The following CACNA1B variants were observed in gnomAD, a reference collection of about 807,000 sequenced individuals.
CACNA1B encodes the protein voltage-dependent N-type calcium channel subunit alpha-1B.
A neutral mutation model predicts 247.2 loss-of-function variants in CACNA1B; 70 were observed. The ratio of observed to expected loss-of-function variants is 0.28; its 90% CI spans 0.23 to 0.35. The LOEUF (loss-of-function observed/expected upper bound fraction) is 0.35. Among genes scored for constraint, CACNA1B ranks in the 10% least tolerant of loss-of-function variants. The probability of loss-of-function intolerance (pLI) is 1.00; values close to 1 mark genes in which losing one functional copy is unlikely to be tolerated. For synonymous variants in CACNA1B, 1,231 were observed against 1,294.4 expected, an observed-to-expected ratio of 0.95 and a Z score of 1.05; for missense variants, 2,367 against 3,197.4, an observed-to-expected ratio of 0.74 and a Z score of 6.26.
chr9:137,977,630 G>C (rs566391487), intron 12 of CACNA1B, among the ~76,000 whole-genome samples: 10 of 152,294 alleles, frequency 6.6e-5, no homozygotes, highest in African/African-American at 2.4e-4. Flanking sequence ...CCAGAGCCTA[G>C]GGATATGGCA....
chr9:138,116,975 G>T (rs1961889556), intron 42 of CACNA1B, among the ~76,000 whole-genome samples: 1 of 152,194 alleles, frequency 6.6e-6, no homozygotes, highest in Non-Finnish European at 1.5e-5. Context: ...TGCCATCTCT[G>T]CGTCCACTGC....
At chr9:137,931,249 CAA>C (rs140750298) in intron 6 of CACNA1B, among the ~76,000 whole-genome samples, 4,869 of 152,194 alleles carry the variant, frequency 0.032, 248 homozygotes, top group African/African-American at 0.11. Flanking sequence ...GTAAACGGCT[CAA>C]GAGCCCTGGT....
At chr9:138,026,472 A>G (rs1298750394) in intron 20 of CACNA1B, among the ~76,000 whole-genome samples, 1 of 152,056 alleles carries the variant, frequency 6.6e-6, no homozygotes, top group African/African-American at 2.4e-5. Context: ...TGATTTTTTC[A>G]CTGTCCCTAT....
intron 20 of CACNA1B, among the ~76,000 whole-genome samples, chr9:138,033,922 C>T (rs1218922012): frequency 6.6e-6 from 1 of 152,168 alleles, no homozygotes; most frequent in Non-Finnish European, 1.5e-5. Context: ...AACCATATTA[C>T]AGGGGTTGTA....
intron 25 of CACNA1B, among the ~76,000 whole-genome samples, chr9:138,053,206 G>C (rs963690031): frequency 6.6e-6 from 1 of 152,354 alleles, no homozygotes; most frequent in Admixed American, 6.5e-5. Flanking sequence ...CCCAGCACCT[G>C]CTGGTGCAGC....
chr9:137,975,939 C>G lies in CACNA1B; in HGVS notation c.1576C>G (p.Leu526Val). ...AGAGTTTGTTTTCCTGGGTCTCTTC[C>G]TCACAGAGATGTCCCTGAAGATGTA... ...FAEFVFLGLF[L>V]TEMSLKMYGL... The change falls in exon 12 of 47, where the codon CTC becomes GTC. Residue 526 changes from leucine (L) to valine (V), a missense_variant. Leu to Val is a conservative substitution (Grantham distance 32). Around this residue, in one of 12 missense-constraint regions of CACNA1B, gnomAD observed 219 missense variants for 297.6 expected, o/e 0.74. Transcript: ENST00000371372. 1 of 1,613,406 alleles carries G rather than the reference C, an allele frequency of 6.2e-7. No homozygotes were observed. Among genetic ancestry groups the G allele is most frequent in the Non-Finnish European group, 8.5e-7 (1 of 1,179,324 alleles).
chr9:137,967,241 A>G (rs991844122), intron 10 of CACNA1B, among the ~76,000 whole-genome samples: 6 of 152,102 alleles, frequency 3.9e-5, no homozygotes, highest in Middle Eastern at 3.2e-3. Context: ...TTTAGTACCA[A>G]GATGTACTAG....
In CACNA1B at chr9:137,893,399, C is replaced by T. The variant is rs578064403; in HGVS notation, c.530+10516C>T. On this transcript the variant is annotated intron_variant, in intron 3 of 46. Coordinates refer to ENST00000371372, the MANE Select transcript of CACNA1B (RefSeq NM_000718.4). ...GGTGCGGTGGCTCATGCCTGTAATC[C>T]CAGCACTTTGGGAGGCTGAGGTGGG... Among the ~76,000 whole-genome samples, 4 of 150,648 alleles carry T rather than the reference C, an allele frequency of 2.7e-5. No homozygotes were observed. The East Asian group carries it at 5.8e-4, about 22-fold the overall frequency.
At chr9:137,921,560 C>T (rs1364756838) in intron 6 of CACNA1B, among the ~76,000 whole-genome samples, 2 of 148,082 alleles carry the variant, frequency 1.4e-5, no homozygotes, top group Non-Finnish European at 3.0e-5. Flanking sequence ...ATCCTGGGAG[C>T]AGAGTAAAGC....
intron 36 of CACNA1B, among the ~76,000 whole-genome samples, chr9:138,084,107 C>T (rs1007289901): frequency 3.3e-5 from 5 of 151,026 alleles, no homozygotes; most frequent in Admixed American, 3.3e-4. Flanking sequence ...GCCCCCTGGG[C>T]CTGAGCTGCT....
At position 137,974,310 on chromosome 9, in the gene CACNA1B, C is replaced by T. The variant is rs1310494812; in HGVS notation, c.1544-1597C>T. On this transcript the variant is annotated intron_variant, in intron 11 of 46. Coordinates refer to ENST00000371372, the MANE Select transcript of CACNA1B (RefSeq NM_000718.4). The surrounding 1 kb of genome is among the most constrained non-coding windows in gnomAD (Gnocchi z 4.5). Reference sequence around the variant, plus strand: ...AGGGTCGCTGGGCATCCATGCCTCTCACAGGGGGCTCTCGGCTTCTCCAGG... The same window carrying T: ...AGGGTCGCTGGGCATCCATGCCTCTTACAGGGGGCTCTCGGCTTCTCCAGG... Among the ~76,000 whole-genome samples, 1 of 152,208 alleles carries T rather than the reference C, an allele frequency of 6.6e-6. No individual in the cohort carries two copies. The highest frequency in any genetic ancestry group is 2.4e-5 in the African/African-American group (1 of 41,452).
intron 20 of CACNA1B, among the ~76,000 whole-genome samples, chr9:138,033,204 T>A (rs1959005625): frequency 6.6e-6 from 1 of 152,242 alleles, no homozygotes; most frequent in African/African-American, 2.4e-5. Context: ...AGTCACTGTA[T>A]TTTTCAGTTC....
intron 2 of CACNA1B, 48 bp downstream of exon 2, chr9:137,879,207 C>G (rs1427063702): frequency 3.3e-6 from 4 of 1,197,872 alleles, no homozygotes; most frequent in East Asian, 4.8e-5. Context: ...GAGGCCGCGA[C>G]TCCACTTTCC....
At chr9:138,107,217 AT>A (rs202227528) in intron 39 of CACNA1B, among the ~76,000 whole-genome samples, 69 of 124,956 alleles carry the variant, frequency 5.5e-4, no homozygotes, top group Middle Eastern at 3.8e-3. Context: ...AAATCATCTT[AT>A]TTTATTTATT....
At chr9:137,949,533 C>T (rs1217826913) in intron 6 of CACNA1B, among the ~76,000 whole-genome samples, 1 of 148,546 alleles carries the variant, frequency 6.7e-6, no homozygotes, top group Non-Finnish European at 1.5e-5. Context: ...TGATGTGTGT[C>T]TGTGTGTGTG....
Position 138,102,475 on chromosome 9 carries a change from T to G in CACNA1B, c.5223-236T>G, listed in dbSNP as rs1961283880. Among the ~76,000 whole-genome samples, 1 of 151,894 alleles carries G rather than the reference T, an allele frequency of 6.6e-6. No homozygotes were observed. On this transcript the variant is annotated intron_variant, in intron 37 of 46. Coordinates refer to ENST00000371372, the MANE Select transcript of CACNA1B (RefSeq NM_000718.4). The surrounding 1 kb of genome is among the most constrained non-coding windows in gnomAD (Gnocchi z 5.4). ...CCCACTGCCCCGCGTGGGGCTGGAG[T>G]GAGGAGGTGAGGCTCGGGGGTGGGG...
At chr9:137,984,631 G>C (rs1480946207) in intron 13 of CACNA1B, among the ~76,000 whole-genome samples, 1 of 152,152 alleles carries the variant, frequency 6.6e-6, no homozygotes, top group African/African-American at 2.4e-5. Flanking sequence ...CCCCAAGTCT[G>C]CCTACCTCCC....
intron 6 of CACNA1B, among the ~76,000 whole-genome samples, chr9:137,945,968 ATCACTGTGCC>A (rs1957791241): frequency 6.6e-6 from 1 of 152,046 alleles, no homozygotes; most frequent in Non-Finnish European, 1.5e-5. Flanking sequence ...ACAGGCGTGC[ATCACTGTGCC>A]TGGCTAATTT....
At chr9:138,076,411 C>G (rs969716556) in intron 35 of CACNA1B, among the ~76,000 whole-genome samples, 2 of 152,326 alleles carry the variant, frequency 1.3e-5, no homozygotes, top group African/African-American at 2.4e-5. Context: ...ACCCAACTGA[C>G]CAGAACTGCC....
Sources: allele counts gnomAD v4.1 joint callset (sites outside exome capture counted in the v4.1 genomes callset), GRCh38; gene constraint gnomAD v4.1.1; regional missense constraint gnomAD v4.1.1; non-coding constraint Gnocchi (gnomAD v3.1); transcripts MANE v1.5; gene names NCBI Gene and HGNC (gene_info 2026-07-23, HGNC 2026-07-21).